Variants in USP12 observed in about 807,000 individuals in gnomAD.
The protein encoded by USP12 is ubiquitin carboxyl-terminal hydrolase 12.
USP12 carries 19 observed loss-of-function variants against 45.5 expected under a neutral mutation model. That is an observed-to-expected ratio of 0.42 (90% confidence interval 0.29 to 0.61). The LOEUF (loss-of-function observed/expected upper bound fraction) is 0.61. USP12 is among the 20% of genes least tolerant of loss of function. The probability of loss-of-function intolerance (pLI) is 0.22; values close to 1 mark genes in which losing one functional copy is unlikely to be tolerated. For synonymous variants in USP12, 149 were observed against 148.8 expected, an observed-to-expected ratio of 1.00 and a Z score of -0.01; for missense variants, 242 against 447.7, an observed-to-expected ratio of 0.54 and a Z score of 4.15.
chr13:27,133,522 T>C (rs1593200917), intron 1 of USP12, among the ~76,000 whole-genome samples: 1 of 149,028 alleles, frequency 6.7e-6, no homozygotes, highest in Non-Finnish European at 1.5e-5. Context: ...CAGCTACCGG[T>C]GGGGCTGAGG....
intron 1 of USP12, 30 bp downstream of exon 1, chr13:27,171,553 GGTCCCGGCA>G (rs1264567547): frequency 8.3e-7 from 1 of 1,197,890 alleles, no homozygotes; most frequent in African/African-American, 1.7e-5. Flanking sequence ...CCGCCCGAGA[GGTCCCGGCA>G]GCCCCGGCCG....
chr13:27,127,057 A>G (rs1876271575), intron 1 of USP12, among the ~76,000 whole-genome samples: 1 of 152,222 alleles, frequency 6.6e-6, no homozygotes, highest in African/African-American at 2.4e-5. Context: ...ACTGATCTGC[A>G]GTCATCCTAA....
intron 1 of USP12, among the ~76,000 whole-genome samples, chr13:27,140,302 T>C (rs1056103150): frequency 6.6e-5 from 10 of 152,240 alleles, no homozygotes; most frequent in Admixed American, 2.0e-4. Flanking sequence ...GCTAGTTGCA[T>C]AGTACACGTG....
At chr13:27,170,780 A>C (rs1338973335) in intron 1 of USP12, among the ~76,000 whole-genome samples, 1 of 152,242 alleles carries the variant, frequency 6.6e-6, no homozygotes, top group Non-Finnish European at 1.5e-5. Flanking sequence ...TGGTGGGCTG[A>C]AGTAAACAAA....
Position 27,085,142 on chromosome 13 carries a change from T to A in USP12, c.734+4741A>T, listed in dbSNP as rs147429188. Among the ~76,000 whole-genome samples the A allele has an allele frequency of 6.1e-3, 916 of 150,666 alleles. 3 individuals carry two copies. Among genetic ancestry groups the A allele is most frequent in the Middle Eastern group, 0.014 (4 of 292 alleles). On this transcript the variant is annotated intron_variant, in intron 6 of 8. Transcript: ENST00000282344. ...TATTTTATTGTTTCTAATAGTATTA[T>A]AAATGGAATGTTTTCTTTTTTCTTT...
At chr13:27,162,547 T>C (rs994519768) in intron 1 of USP12, among the ~76,000 whole-genome samples, 1 of 152,196 alleles carries the variant, frequency 6.6e-6, no homozygotes, top group African/African-American at 2.4e-5. Flanking sequence ...AGATGACAGA[T>C]AGAGAAAGAC....
chr13:27,171,143 G>A (rs1414389798), intron 1 of USP12, among the ~76,000 whole-genome samples: 1 of 151,078 alleles, frequency 6.6e-6, no homozygotes, highest in African/African-American at 2.4e-5. Flanking sequence ...AGGAAATGGA[G>A]CCCGCGCGGC....
chr13:27,087,235 A>C (rs1376229569), intron 6 of USP12, among the ~76,000 whole-genome samples: 1 of 143,182 alleles, frequency 7.0e-6, no homozygotes. Context: ...CAAATAAGTA[A>C]ATATAGTGGG....
chr13:27,133,728 C>T (rs1876638686), intron 1 of USP12, among the ~76,000 whole-genome samples: 1 of 152,008 alleles, frequency 6.6e-6, no homozygotes, highest in African/African-American at 2.4e-5. Flanking sequence ...AGGTTTCATT[C>T]AGACCACTAT....
At chr13:27,146,587 G>A (rs1005857324) in intron 1 of USP12, among the ~76,000 whole-genome samples, 15 of 152,228 alleles carry the variant, frequency 9.9e-5, no homozygotes, top group African/African-American at 3.6e-4. Flanking sequence ...GCAGAGCTCC[G>A]ATGTTGGCTT....
chr13:27,070,504 A>T (rs1478410768), intron 8 of USP12, among the ~76,000 whole-genome samples: 9 of 145,642 alleles, frequency 6.2e-5, no homozygotes, highest in Non-Finnish European at 1.2e-4. Flanking sequence ...ACATGGCTTA[A>T]TTTTTTTTTT....
intron 1 of USP12, among the ~76,000 whole-genome samples, chr13:27,158,052 G>A (rs1877920914): frequency 1.3e-5 from 2 of 152,128 alleles, no homozygotes; most frequent in Non-Finnish European, 2.9e-5. Flanking sequence ...CCTAATAAAG[G>A]TACGTTTAAG....
intron 1 of USP12, among the ~76,000 whole-genome samples, chr13:27,121,264 C>T (rs1875969018): frequency 6.6e-6 from 1 of 150,868 alleles, no homozygotes; most frequent in Admixed American, 6.6e-5. Context: ...ACTAGGCCCT[C>T]GTAAAAGTCT....
intron 1 of USP12, among the ~76,000 whole-genome samples, chr13:27,130,506 C>A (rs1225764987): frequency 1.4e-5 from 2 of 138,662 alleles, no homozygotes; most frequent in Non-Finnish European, 3.0e-5. Flanking sequence ...CACCACATTA[C>A]AACATTCAAA....
chr13:27,113,431 C>G (rs915283155), intron 2 of USP12, among the ~76,000 whole-genome samples: 2 of 152,180 alleles, frequency 1.3e-5, no homozygotes, highest in Admixed American at 6.5e-5. Flanking sequence ...AGGGAATGCC[C>G]TCTTGCACCA....
chr13:27,099,673 G>A (rs559461271), intron 3 of USP12, among the ~76,000 whole-genome samples: 3 of 67,170 alleles, frequency 4.5e-5, no homozygotes, highest in African/African-American at 1.1e-4. Context: ...GCATTACATG[G>A]TAAAATTCAC....
At chr13:27,099,370 A>G (rs956798405) in intron 3 of USP12, among the ~76,000 whole-genome samples, 1 of 152,122 alleles carries the variant, frequency 6.6e-6, no homozygotes, top group African/African-American at 2.4e-5. Flanking sequence ...TTTTTTTAAG[A>G]GATGGGGGTC....
intron 1 of USP12, among the ~76,000 whole-genome samples, chr13:27,142,034 AT>A (rs1877087646): frequency 6.6e-6 from 1 of 152,142 alleles, no homozygotes; most frequent in African/African-American, 2.4e-5. Flanking sequence ...AAGCAGGAGA[AT>A]TGCTTGAACT....
chr13:27,141,347 T>G (rs142158598), intron 1 of USP12, among the ~76,000 whole-genome samples: 1 of 152,278 alleles, frequency 6.6e-6, no homozygotes, highest in Non-Finnish European at 1.5e-5. Context: ...TTCCTTGCTA[T>G]GTCCACTAAA....
Sources: gnomAD v4.1 joint callset for allele counts (sites outside exome capture counted in the v4.1 genomes callset) on GRCh38, gnomAD v4.1.1 for gene constraint, MANE v1.5 for transcripts, NCBI Gene and HGNC (gene_info 2026-07-23, HGNC 2026-07-21) for gene names.